Variants in KCNT2 observed in about 807,000 individuals in gnomAD.
The protein encoded by KCNT2 is potassium channel subfamily T member 2.
Under a neutral mutation model 153.8 loss-of-function variants are expected in KCNT2, and 67 were observed. The ratio of observed to expected loss-of-function variants is 0.44; its 90% CI spans 0.36 to 0.53. The LOEUF (loss-of-function observed/expected upper bound fraction) is 0.53. Ranked by LOEUF, KCNT2 falls within the 20% of genes least tolerant of loss-of-function variation. The probability of loss-of-function intolerance (pLI) is 0.00; values close to 1 mark genes in which losing one functional copy is unlikely to be tolerated. For synonymous variants in KCNT2, 500 were observed against 458.8 expected (o/e 1.09, Z -1.15); for missense variants, 975 against 1,354.8 (o/e 0.72, Z 4.40).
intron 1 of KCNT2, among the ~76,000 whole-genome samples, chr1:196,602,678 C>T (rs1664857610): frequency 6.7e-6 from 1 of 150,004 alleles, no homozygotes; most frequent in South Asian, 2.1e-4. Context: ...ATATTGATGT[C>T]TGAATTCTTA....
Position 196,555,647 on chromosome 1 carries a change from AT to A in KCNT2, c.95+52567del, listed in dbSNP as rs1457662522. 4.6e-5 allele frequency among the ~76,000 whole-genome samples: 7 copies of A among 151,404 alleles called. No individual in the cohort carries two copies. In the East Asian group the frequency reaches 5.8e-4, roughly 13 times the overall value. On this transcript the variant is annotated intron_variant, in intron 1 of 27. Transcript: ENST00000294725. Reference sequence around the variant, plus strand: ...TGACATTCTTCACAGAAATAAAAAAATATATAAAATTTATATGGAATCACAA... The same window carrying A: ...TGACATTCTTCACAGAAATAAAAAAAATATAAAATTTATATGGAATCACAA...
chr1:196,515,834 T>C (rs1682002359), intron 1 of KCNT2, among the ~76,000 whole-genome samples: 1 of 152,044 alleles, frequency 6.6e-6, no homozygotes, highest in Non-Finnish European at 1.5e-5. Context: ...ACAGAGCCAG[T>C]GTAGCCTCCC....
chr1:196,592,837 A>G (rs1238196614), intron 1 of KCNT2, among the ~76,000 whole-genome samples: 1 of 149,058 alleles, frequency 6.7e-6, no homozygotes, highest in African/African-American at 2.4e-5. Flanking sequence ...ATGTATTTTA[A>G]TTTTTTATTT....
At chr1:196,339,512 C>T (rs573237129) in intron 16 of KCNT2, among the ~76,000 whole-genome samples, 3 of 104,116 alleles carry the variant, frequency 2.9e-5, no homozygotes, top group African/African-American at 9.3e-5. Context: ...AAGAGACACA[C>T]ACACACACAG....
chr1:196,411,950 GT>G (rs1215632378), intron 12 of KCNT2, among the ~76,000 whole-genome samples: 2 of 151,672 alleles, frequency 1.3e-5, no homozygotes, highest in Non-Finnish European at 2.9e-5. Flanking sequence ...ATATTTTTAA[GT>G]TCTTTATTCT....
At chr1:196,316,093 G>A in intron 20 of KCNT2, 67 bp from the exon 21 acceptor site, 5 of 1,415,492 alleles carry the variant, frequency 3.5e-6, no homozygotes, top group South Asian at 1.3e-5. Context: ...CAGTGCTAAA[G>A]TCTAGCACTA....
At chr1:196,557,101 CAAT>C (rs1452850807) in intron 1 of KCNT2, among the ~76,000 whole-genome samples, 1 of 150,840 alleles carries the variant, frequency 6.6e-6, no homozygotes, top group Non-Finnish European at 1.5e-5. Flanking sequence ...GGTCTATAGT[CAAT>C]AATAATTTAA....
At chr1:196,419,179 T>C (rs1672990083) in intron 12 of KCNT2, among the ~76,000 whole-genome samples, 1 of 151,488 alleles carries the variant, frequency 6.6e-6, no homozygotes, top group African/African-American at 2.4e-5. Flanking sequence ...TTTTTATTTA[T>C]TTTATTATTA....
intron 8 of KCNT2, among the ~76,000 whole-genome samples, chr1:196,442,210 T>C (rs1675294487): frequency 6.6e-6 from 1 of 151,796 alleles, no homozygotes; most frequent in African/African-American, 2.4e-5. Context: ...CATAAGACAG[T>C]AAATAAAGGC....
chr1:196,438,191 G>A (rs1674896459), intron 8 of KCNT2, among the ~76,000 whole-genome samples: 1 of 151,692 alleles, frequency 6.6e-6, no homozygotes, highest in Non-Finnish European at 1.5e-5. Flanking sequence ...CCCAGAATGA[G>A]AGAAATAGAA....
At chr1:196,451,160 T>G (rs1019008446) in intron 8 of KCNT2, among the ~76,000 whole-genome samples, 1 of 150,130 alleles carries the variant, frequency 6.7e-6, no homozygotes, top group African/African-American at 2.4e-5. Flanking sequence ...AAAATTACGC[T>G]TACTGAATTA....
At chr1:196,430,495 C>G (rs140751034) in intron 8 of KCNT2, among the ~76,000 whole-genome samples, 19 of 151,882 alleles carry the variant, frequency 1.3e-4, no homozygotes, top group African/African-American at 3.6e-4. Context: ...TATGAGATAG[C>G]AAGAAGGCCC....
chr1:196,393,806 G>C (rs1193783271), intron 13 of KCNT2, among the ~76,000 whole-genome samples: 3 of 151,520 alleles, frequency 2.0e-5, no homozygotes, highest in African/African-American at 4.8e-5. Context: ...GGTTTCCCCA[G>C]GTGATTGTAG....
chr1:196,278,162 T>C (rs1333722451), intron 25 of KCNT2, among the ~76,000 whole-genome samples: 1 of 152,166 alleles, frequency 6.6e-6, no homozygotes, highest in Non-Finnish European at 1.5e-5. Context: ...TAGATCAACA[T>C]ATTGCTATTT....
At chr1:196,357,448 A>G (rs931331278) in intron 14 of KCNT2, among the ~76,000 whole-genome samples, 19 of 151,920 alleles carry the variant, frequency 1.3e-4, no homozygotes, top group African/African-American at 4.6e-4. Context: ...GATGCATTCC[A>G]TTTGATATGT....
At chr1:196,541,023 G>A (rs1019958245) in intron 1 of KCNT2, among the ~76,000 whole-genome samples, 13 of 151,840 alleles carry the variant, frequency 8.6e-5, no homozygotes, top group African/African-American at 2.7e-4. Context: ...CCGAGATCGC[G>A]CCACTGCACT....
chr1:196,499,722 G>C (rs1680521365), intron 1 of KCNT2, among the ~76,000 whole-genome samples: 2 of 152,030 alleles, frequency 1.3e-5, no homozygotes, highest in African/African-American at 4.8e-5. Context: ...TTTGTAAATA[G>C]GTTATGAATT....
chr1:196,552,432 T>G (rs1414063298), intron 1 of KCNT2, among the ~76,000 whole-genome samples: 2 of 151,384 alleles, frequency 1.3e-5, no homozygotes, highest in East Asian at 3.9e-4. Flanking sequence ...AAATATCCTT[T>G]AAGCATGCAG....
At chr1:196,443,924 C>A (rs1187278984) in intron 8 of KCNT2, among the ~76,000 whole-genome samples, 1 of 151,222 alleles carries the variant, frequency 6.6e-6, no homozygotes, top group Non-Finnish European at 1.5e-5. Flanking sequence ...AACACACTAC[C>A]CATACTGCTA....
Sources: gnomAD v4.1 joint callset for allele counts (sites outside exome capture counted in the v4.1 genomes callset) on GRCh38, gnomAD v4.1.1 for gene constraint, MANE v1.5 for transcripts, NCBI Gene and HGNC (gene_info 2026-07-23, HGNC 2026-07-21) for gene names.